EPB41L4A: variants seen among roughly 807,000 people sequenced by gnomAD.
The protein encoded by EPB41L4A is erythrocyte membrane protein band 4.1 like 4A.
In EPB41L4A, 100 loss-of-function variants were observed where a neutral mutation model predicts 108.6. The observed-to-expected ratio is 0.92, with a 90% CI of 0.78 to 1.09. The LOEUF (loss-of-function observed/expected upper bound fraction) is 1.09, where lower values mean the gene tolerates loss of function less well. EPB41L4A is among the 50% of genes least tolerant of loss of function. The pLI, the probability that EPB41L4A is intolerant of heterozygous loss-of-function variation, is 0.00. For missense variants in EPB41L4A, 1,030 were observed against 842.7 expected (o/e 1.22, Z -2.75); for synonymous variants, 319 against 289.0 (o/e 1.10, Z -1.05).
intron 17 of EPB41L4A, chr5:112,191,885 T>C (rs909685206): frequency 1.3e-5 from 2 of 152,142 alleles, no homozygotes; most frequent in African/African-American, 4.8e-5. Context: ...GCAGGGTGCA[T>C]CGGCGTGCAG....
chr5:112,345,945 A>G (rs116219597), intron 1 of EPB41L4A, among the ~76,000 whole-genome samples: 3,823 of 152,034 alleles, frequency 0.025, 154 homozygotes, highest in African/African-American at 0.087. Context: ...GATATTTTTT[A>G]ATTTTTAAAA....
intron 18 of EPB41L4A, among the ~76,000 whole-genome samples, chr5:112,183,658 C>T (rs1393451125): frequency 6.6e-6 from 1 of 152,204 alleles, no homozygotes; most frequent in African/African-American, 2.4e-5. Flanking sequence ...TGGAACAAGA[C>T]TTCAGAGAAT....
chr5:112,276,699 T>C (rs2150495225), intron 3 of EPB41L4A, among the ~76,000 whole-genome samples: 1 of 152,332 alleles, frequency 6.6e-6, no homozygotes, highest in Admixed American at 6.5e-5. Flanking sequence ...GTCACAAATT[T>C]AGAAACTGGG....
At chr5:112,199,531 C>T (rs1308950269) in intron 15 of EPB41L4A, among the ~76,000 whole-genome samples, 3 of 152,106 alleles carry the variant, frequency 2.0e-5, no homozygotes, top group South Asian at 2.1e-4. Flanking sequence ...CTCTATATTT[C>T]AAGTAACATA....
At chr5:112,230,003 A>G (rs1459465752) in intron 12 of EPB41L4A, among the ~76,000 whole-genome samples, 1 of 151,916 alleles carries the variant, frequency 6.6e-6, no homozygotes, top group South Asian at 2.1e-4. Flanking sequence ...AAAAAAAAAA[A>G]AGAATAATGG....
At chr5:112,323,708 G>T (rs879747766) in intron 1 of EPB41L4A, among the ~76,000 whole-genome samples, 2 of 152,162 alleles carry the variant, frequency 1.3e-5, no homozygotes, top group Non-Finnish European at 2.9e-5. Flanking sequence ...AATGGTCAGT[G>T]TAACAGTCTC....
intron 1 of EPB41L4A, among the ~76,000 whole-genome samples, chr5:112,418,101 C>G (rs1762816793): frequency 6.6e-6 from 1 of 152,102 alleles, no homozygotes. Context: ...TCTAAAATGC[C>G]TTAGCGATCT....
chr5:112,287,294 A>C (rs1753353995), intron 2 of EPB41L4A, among the ~76,000 whole-genome samples: 1 of 152,230 alleles, frequency 6.6e-6, no homozygotes, highest in Admixed American at 6.5e-5. Flanking sequence ...GTTCTCCTGC[A>C]GTCTTCACCA....
chr5:112,361,278 G>T (rs1459428692), intron 1 of EPB41L4A, among the ~76,000 whole-genome samples: 1 of 152,114 alleles, frequency 6.6e-6, no homozygotes, highest in Non-Finnish European at 1.5e-5. Context: ...ATGGATTAAG[G>T]GCGGTGCAAG....
At chr5:112,183,992 A>C in intron 18 of EPB41L4A, 24 bp downstream of exon 18, 1 of 1,612,010 alleles carries the variant, frequency 6.2e-7, no homozygotes, top group Non-Finnish European at 8.5e-7. Context: ...TTTTTGAATC[A>C]AGGTATAAAA....
intron 1 of EPB41L4A, among the ~76,000 whole-genome samples, chr5:112,337,343 C>A: frequency 1.3e-5 from 2 of 152,196 alleles, no homozygotes; most frequent in East Asian, 3.9e-4. Context: ...GGTACCACAT[C>A]CCCTATGTCA....
intron 12 of EPB41L4A, among the ~76,000 whole-genome samples, chr5:112,152,417 A>T (rs893366469): frequency 5.3e-5 from 8 of 152,098 alleles, no homozygotes; most frequent in Non-Finnish European, 1.2e-4. Flanking sequence ...TTGAAATCTA[A>T]CCTCCAAGGT....
At chr5:112,324,641 T>C (rs907186562) in intron 1 of EPB41L4A, among the ~76,000 whole-genome samples, 1 of 150,962 alleles carries the variant, frequency 6.6e-6, no homozygotes, top group Non-Finnish European at 1.5e-5. Flanking sequence ...GAGAATCACT[T>C]GAACCCAGGG....
intron 1 of EPB41L4A, among the ~76,000 whole-genome samples, chr5:112,416,801 G>A (rs2112844567): frequency 6.6e-6 from 1 of 152,262 alleles, no homozygotes. Context: ...ACATAAACAT[G>A]TTCATCCAAT....
intron 9 of EPB41L4A, among the ~76,000 whole-genome samples, chr5:112,255,421 C>A (rs1751012008): frequency 6.6e-6 from 1 of 152,168 alleles, no homozygotes; most frequent in Non-Finnish European, 1.5e-5. Flanking sequence ...CTAGGGTACA[C>A]ATACTTAACA....
chr5:112,417,959 A>G (rs1762806012), intron 1 of EPB41L4A, among the ~76,000 whole-genome samples: 1 of 152,188 alleles, frequency 6.6e-6, no homozygotes, highest in South Asian at 2.1e-4. Context: ...CTACCCCATT[A>G]TGATTAACTT....
At chr5:112,398,040 A>G (rs1761481525) in intron 1 of EPB41L4A, among the ~76,000 whole-genome samples, 2 of 152,210 alleles carry the variant, frequency 1.3e-5, no homozygotes, top group Non-Finnish European at 2.9e-5. Context: ...CTAAGCCACT[A>G]AGCTAAGAAA....
intron 1 of EPB41L4A, among the ~76,000 whole-genome samples, chr5:112,408,692 AAAAAAAAAAAAAAAAAAAAAAAAAAAG>A (rs1322471703): frequency 4.3e-4 from 30 of 70,508 alleles, no homozygotes; most frequent in East Asian, 2.1e-3. Flanking sequence ...AAAAAAAAAA[AAAAAAAAAAAAAAAAAAAAAAAAAAAG>A]GGCCAGTAAG....
intron 1 of EPB41L4A, among the ~76,000 whole-genome samples, chr5:112,328,627 A>C (rs1756346376): frequency 6.6e-6 from 1 of 152,232 alleles, no homozygotes; most frequent in Admixed American, 6.5e-5. Context: ...CTGATTTAAA[A>C]CACCATTCAG....
Sources: allele counts gnomAD v4.1 joint callset (sites outside exome capture counted in the v4.1 genomes callset), GRCh38; gene constraint gnomAD v4.1.1; transcripts MANE v1.5; gene names NCBI Gene and HGNC (gene_info 2026-07-23, HGNC 2026-07-21).